ZMAT4: variants seen among roughly 807,000 people sequenced by gnomAD.
ZMAT4 encodes the protein zinc finger matrin-type 4.
In ZMAT4, 17 loss-of-function variants were observed where a neutral mutation model predicts 28.7. The ratio of observed to expected loss-of-function variants is 0.59; its 90% confidence interval spans 0.41 to 0.89. The LOEUF is 0.89. Among genes scored for constraint, ZMAT4 ranks in the 40% least tolerant of loss-of-function variants. The pLI is 0.00. For missense variants in ZMAT4, 240 were observed against 283.8 expected (o/e 0.85, Z 1.11); for synonymous variants, 117 against 109.2 (o/e 1.07, Z -0.44).
At chr8:40,885,938 G>A (rs913703655) in intron 1 of ZMAT4, among the ~76,000 whole-genome samples, 6 of 152,144 alleles carry the variant, frequency 3.9e-5, no homozygotes, top group Non-Finnish European at 5.9e-5. Context: ...TGTGTTTGCC[G>A]TCCATCTCCC....
chr8:40,851,543 G>T (rs1159759907), intron 1 of ZMAT4, among the ~76,000 whole-genome samples: 1 of 152,176 alleles, frequency 6.6e-6, no homozygotes, highest in African/African-American at 2.4e-5. Flanking sequence ...GGGGAAAACC[G>T]AGTGAAGGGT....
At chr8:40,633,842 C>T (rs1026695137) in intron 5 of ZMAT4, among the ~76,000 whole-genome samples, 7 of 152,204 alleles carry the variant, frequency 4.6e-5, no homozygotes, top group East Asian at 3.9e-4. Context: ...CAGGGGCAGA[C>T]GTGAGTCCAT....
At chr8:40,892,052 C>A (rs939028980) in intron 1 of ZMAT4, among the ~76,000 whole-genome samples, 1 of 152,162 alleles carries the variant, frequency 6.6e-6, no homozygotes, top group Non-Finnish European at 1.5e-5. Context: ...TAGGCCACCA[C>A]GTGTGTGGCG....
At chr8:40,628,938 T>C (rs927331033) in intron 5 of ZMAT4, among the ~76,000 whole-genome samples, 1 of 151,958 alleles carries the variant, frequency 6.6e-6, no homozygotes, top group African/African-American at 2.4e-5. Context: ...AGATTGCGTT[T>C]CTATGAAACA....
intron 3 of ZMAT4, among the ~76,000 whole-genome samples, chr8:40,760,742 CTCTCTCTCTCTCTGTCGCGG>C (rs1812902729): frequency 7.1e-6 from 1 of 140,944 alleles, no homozygotes; most frequent in African/African-American, 2.6e-5. Flanking sequence ...CTCTGTCATG[CTCTCTCTCTCTCTGTCGCGG>C]TCTCTCTCTC....
chr8:40,545,325 G>T (rs1585665577), intron 6 of ZMAT4, among the ~76,000 whole-genome samples: 3 of 152,208 alleles, frequency 2.0e-5, no homozygotes, highest in Admixed American at 2.0e-4. Flanking sequence ...CATAGGAACT[G>T]TGAGATAATA....
At chr8:40,773,971 C>G (rs1161199152) in intron 2 of ZMAT4, among the ~76,000 whole-genome samples, 1 of 151,880 alleles carries the variant, frequency 6.6e-6, no homozygotes, top group African/African-American at 2.4e-5. Context: ...AAAATAGAGT[C>G]AATAATTTGG....
chr8:40,844,577 C>T (rs1330101633), intron 1 of ZMAT4, among the ~76,000 whole-genome samples: 1 of 151,858 alleles, frequency 6.6e-6, no homozygotes, highest in Non-Finnish European at 1.5e-5. Flanking sequence ...GAGCTGATTC[C>T]TGAAATAAAT....
chr8:40,766,903 G>A (rs748406133), intron 3 of ZMAT4, among the ~76,000 whole-genome samples: 8 of 152,168 alleles, frequency 5.3e-5, no homozygotes, highest in East Asian at 1.9e-4. Flanking sequence ...TAAATTCTAC[G>A]CCTGCAGCCT....
intron 3 of ZMAT4, among the ~76,000 whole-genome samples, chr8:40,750,029 A>G (rs1289395499): frequency 6.6e-6 from 1 of 152,210 alleles, no homozygotes. Context: ...AAATTAGTAG[A>G]ACTCAGTACA....
chr8:40,672,937 C>G (rs370162432), intron 5 of ZMAT4, among the ~76,000 whole-genome samples: 80 of 152,286 alleles, frequency 5.3e-4, no homozygotes, highest in African/African-American at 1.8e-3. Context: ...TAGGAAGCAC[C>G]AAGTTGCTTT....
At chr8:40,822,604 G>A (rs1181447626) in intron 2 of ZMAT4, among the ~76,000 whole-genome samples, 1 of 152,184 alleles carries the variant, frequency 6.6e-6, no homozygotes, top group Non-Finnish European at 1.5e-5. Flanking sequence ...CATCTTCTTA[G>A]AGAAAAAGAA....
intron 6 of ZMAT4, among the ~76,000 whole-genome samples, chr8:40,553,299 G>A (rs1803422876): frequency 6.6e-6 from 1 of 152,126 alleles, no homozygotes; most frequent in Admixed American, 6.5e-5. Flanking sequence ...CAGTAACTAT[G>A]AGGCAATAAA....
intron 5 of ZMAT4, among the ~76,000 whole-genome samples, chr8:40,596,139 AAT>A (rs1316369345): frequency 6.6e-6 from 1 of 152,090 alleles, no homozygotes; most frequent in Non-Finnish European, 1.5e-5. Context: ...TAAGATAAGA[AAT>A]AGTACATTGT....
chr8:40,615,213 G>C (rs1317713087), intron 5 of ZMAT4, among the ~76,000 whole-genome samples: 3 of 152,072 alleles, frequency 2.0e-5, no homozygotes, highest in African/African-American at 7.2e-5. Context: ...ATGAAATTCT[G>C]GGTTGAAAAT....
chr8:40,774,025 A>G (rs1466042127), intron 2 of ZMAT4, among the ~76,000 whole-genome samples: 35 of 152,144 alleles, frequency 2.3e-4, no homozygotes, highest in Admixed American at 2.3e-3. Context: ...TTGTGATGGG[A>G]AAGTTTTCTA....
At chr8:40,532,895 G>A (rs185307130) in intron 6 of ZMAT4, among the ~76,000 whole-genome samples, 410 of 151,670 alleles carry the variant, frequency 2.7e-3, no homozygotes, top group South Asian at 0.013. Context: ...TCAGGAGGCT[G>A]AAGCAGGAGA....
Position 40,672,085 on chromosome 8 carries a change from G to A in ZMAT4, c.577+2619C>T, listed in dbSNP as rs1307557290. Among the ~76,000 whole-genome samples the A allele has an allele frequency of 3.3e-5, 5 of 152,140 alleles. No individual in the cohort carries two copies. In the East Asian group the frequency reaches 7.7e-4, roughly 23 times the overall value. ...GCTAATAATCTATAAAGTAAGTAGA[G>A]AGAAAGAAAATACAAAAAAAAGTAA... On this transcript the variant is annotated intron_variant, in intron 5 of 6. Coordinates refer to ENST00000297737, the MANE Select transcript of ZMAT4 (RefSeq NM_024645.3).
At chr8:40,723,537 C>T (rs1378268989) in intron 3 of ZMAT4, among the ~76,000 whole-genome samples, 2 of 47,304 alleles carry the variant, frequency 4.2e-5, no homozygotes, top group Admixed American at 3.9e-4. Context: ...AGCAAGATTC[C>T]ATCTCAAAAA....
Sources: gnomAD v4.1 joint callset for allele counts (sites outside exome capture counted in the v4.1 genomes callset) on GRCh38, gnomAD v4.1.1 for gene constraint, MANE v1.5 for transcripts, NCBI Gene and HGNC (gene_info 2026-07-23, HGNC 2026-07-21) for gene names.